Variants in DAB1 observed in about 807,000 individuals in gnomAD.
The protein encoded by DAB1 is disabled homolog 1.
A neutral mutation model predicts 64.6 loss-of-function variants in DAB1; 15 were observed. That is an observed-to-expected ratio of 0.23 (90% confidence interval 0.16 to 0.36). The LOEUF is 0.36. Ranked by LOEUF, DAB1 falls within the 10% of genes least tolerant of loss-of-function variation. The probability of loss-of-function intolerance (pLI) is 1.00; values close to 1 mark genes in which losing one functional copy is unlikely to be tolerated. For synonymous variants in DAB1, 235 were observed against 251.9 expected, an observed-to-expected ratio of 0.93 and a Z score of 0.64; for missense variants, 596 against 706.7, an observed-to-expected ratio of 0.84 and a Z score of 1.78.
chr1:57,355,873 AACACACACAC>A (rs10529674), intron 1 of DAB1, among the ~76,000 whole-genome samples: 63 of 146,414 alleles, frequency 4.3e-4, no homozygotes, highest in South Asian at 1.6e-3. Context: ...AACCTCAATA[AACACACACAC>A]ACACACACAC....
At chr1:57,085,878 G>A (rs764464431) in intron 4 of DAB1, among the ~76,000 whole-genome samples, 1 of 152,148 alleles carries the variant, frequency 6.6e-6, no homozygotes, top group Non-Finnish European at 1.5e-5. Context: ...GGGTAAGCAT[G>A]GAGGTCTGAA....
At chr1:58,153,791 C>A (rs1655075395) in intron 4 of DAB1, among the ~76,000 whole-genome samples, 1 of 150,188 alleles carries the variant, frequency 6.7e-6, no homozygotes, top group South Asian at 2.2e-4. Context: ...TCTGTGTTAA[C>A]CCGTCCTGTC....
chr1:58,148,280 AC>A (rs1654724130), intron 5 of DAB1, among the ~76,000 whole-genome samples: 1 of 151,870 alleles, frequency 6.6e-6, no homozygotes, highest in Admixed American at 6.6e-5. Flanking sequence ...CCACTCTCTC[AC>A]CCCTACAGGG....
intron 1 of DAB1, among the ~76,000 whole-genome samples, chr1:57,377,863 AG>A (rs1681036424): frequency 6.6e-6 from 1 of 152,136 alleles, no homozygotes; most frequent in Admixed American, 6.6e-5. Context: ...CCAAGGCCTG[AG>A]GGACAGGAGG....
intron 7 of DAB1, among the ~76,000 whole-genome samples, chr1:57,519,838 T>A (rs1439746714): frequency 2.6e-5 from 4 of 152,200 alleles, no homozygotes. Context: ...AATTGCTTTT[T>A]TAAAAAAGTA....
intron 2 of DAB1, among the ~76,000 whole-genome samples, chr1:57,273,557 T>G (rs59985550): frequency 0.42 from 40,173 of 94,688 alleles, 7,435 homozygotes; most frequent in Admixed American, 0.52. Context: ...CTGCCTGCCT[T>G]CCTTCCTTCC....
At chr1:57,236,431 G>A (rs1668093190) in intron 2 of DAB1, among the ~76,000 whole-genome samples, 1 of 152,252 alleles carries the variant, frequency 6.6e-6, no homozygotes, top group Middle Eastern at 3.4e-3. Flanking sequence ...CCAACTTGTA[G>A]CAGACATTTA....
chr1:58,479,189 G>A (rs372543647), intron 3 of DAB1, among the ~76,000 whole-genome samples: 1 of 152,170 alleles, frequency 6.6e-6, no homozygotes. Flanking sequence ...TAGGAAATCT[G>A]CAGGAAAATC....
chr1:57,620,946 A>G (rs1645850063), intron 7 of DAB1, among the ~76,000 whole-genome samples: 1 of 152,082 alleles, frequency 6.6e-6, no homozygotes, highest in South Asian at 2.1e-4. Context: ...CTACTTTCTC[A>G]TGCCCACCTT....
intron 5 of DAB1, among the ~76,000 whole-genome samples, chr1:57,922,177 C>A (rs186008045): frequency 6.6e-6 from 1 of 152,096 alleles, no homozygotes; most frequent in African/African-American, 2.4e-5. Context: ...TATCTCCCAT[C>A]ATTAGAAAGC....
chr1:57,393,354 T>C (rs1370936143), intron 1 of DAB1, among the ~76,000 whole-genome samples: 4 of 152,180 alleles, frequency 2.6e-5, no homozygotes, highest in Admixed American at 2.0e-4. Flanking sequence ...CAGGCAAGCA[T>C]TTCAGGAACT....
intron 4 of DAB1, among the ~76,000 whole-genome samples, chr1:57,099,782 G>A (rs1038831134): frequency 6.6e-6 from 1 of 152,170 alleles, no homozygotes; most frequent in African/African-American, 2.4e-5. Flanking sequence ...TTCCAAAGGT[G>A]CCATGGAAGG....
chr1:58,298,758 G>A (rs1662049215), intron 4 of DAB1, among the ~76,000 whole-genome samples: 1 of 152,226 alleles, frequency 6.6e-6, no homozygotes, highest in Admixed American at 6.5e-5. Context: ...AGGCCTGGAG[G>A]AGGCAAGATC....
At chr1:57,460,670 T>A (rs1297211588) in intron 7 of DAB1, among the ~76,000 whole-genome samples, 1 of 152,116 alleles carries the variant, frequency 6.6e-6, no homozygotes, top group Non-Finnish European at 1.5e-5. Context: ...GTAGAGACAC[T>A]AATAAATAGA....
chr1:57,382,882 A>C (rs1253514701), intron 1 of DAB1, among the ~76,000 whole-genome samples: 1 of 152,114 alleles, frequency 6.6e-6, no homozygotes, highest in Non-Finnish European at 1.5e-5. Flanking sequence ...TTTGGGGGCC[A>C]ATTATTCTGT....
At chr1:57,102,617 A>G (rs1654781788) in intron 4 of DAB1, among the ~76,000 whole-genome samples, 1 of 152,178 alleles carries the variant, frequency 6.6e-6, no homozygotes, top group African/African-American at 2.4e-5. Context: ...GCTTGTTTCA[A>G]CTATTTTCAT....
chr1:57,313,682 T>G (rs1430193814), intron 1 of DAB1, among the ~76,000 whole-genome samples: 1 of 152,236 alleles, frequency 6.6e-6, no homozygotes, highest in African/African-American at 2.4e-5. Flanking sequence ...AGTCAGTGGT[T>G]GTTAACATTA....
intron 9 of DAB1, among the ~76,000 whole-genome samples, chr1:57,040,966 G>A (rs930594313): frequency 3.3e-5 from 5 of 152,162 alleles, no homozygotes; most frequent in African/African-American, 1.2e-4. Context: ...CTCTCTTGGA[G>A]GGGTTACCAC....
intron 2 of DAB1, among the ~76,000 whole-genome samples, chr1:57,167,010 T>C (rs1417423907): frequency 6.6e-6 from 1 of 152,202 alleles, no homozygotes; most frequent in African/African-American, 2.4e-5. Context: ...TCTCCATTCA[T>C]ATTAAGTATG....
Sources: gnomAD v4.1 joint callset for allele counts (sites outside exome capture counted in the v4.1 genomes callset) on GRCh38, gnomAD v4.1.1 for gene constraint, MANE v1.5 for transcripts, NCBI Gene and HGNC (gene_info 2026-07-23, HGNC 2026-07-21) for gene names.